Variants in CSMD1 observed in about 807,000 individuals in gnomAD.
The protein encoded by CSMD1 is CUB and sushi domain-containing protein 1.
Under a neutral mutation model 417.5 loss-of-function variants are expected in CSMD1, and 213 were observed. The observed-to-expected ratio is 0.51, with a 90% CI of 0.46 to 0.57. The LOEUF is 0.57. CSMD1 is among the 20% of genes least tolerant of loss of function. The probability of loss-of-function intolerance (pLI) is 0.00; values close to 1 mark genes in which losing one functional copy is unlikely to be tolerated. For missense variants in CSMD1, 6,923 were observed against 4,529.7 expected (o/e 1.53, Z -15.17); for synonymous variants, 2,862 against 1,736.8 (o/e 1.65, Z -16.11).
At chr8:3,845,656 T>C (rs1023799243) in intron 5 of CSMD1, among the ~76,000 whole-genome samples, 7 of 152,282 alleles carry the variant, frequency 4.6e-5, no homozygotes, top group South Asian at 4.1e-4. Flanking sequence ...AAACATTTTT[T>C]TGTCTTCAAT....
At chr8:4,459,344 A>T (rs896047729) in intron 2 of CSMD1, among the ~76,000 whole-genome samples, 2 of 152,194 alleles carry the variant, frequency 1.3e-5, no homozygotes, top group African/African-American at 4.8e-5. Context: ...AAGACAATCA[A>T]GCTCTCACCT....
chr8:3,291,864 G>A (rs1256296481), intron 25 of CSMD1, among the ~76,000 whole-genome samples: 4 of 151,870 alleles, frequency 2.6e-5, no homozygotes, highest in Admixed American at 6.6e-5. Context: ...CTTGCCTTCT[G>A]CTAGCTTTTG....
intron 7 of CSMD1, among the ~76,000 whole-genome samples, chr8:3,650,222 G>A (rs35588903): frequency 0.42 from 63,126 of 151,708 alleles, 13,452 homozygotes; most frequent in Middle Eastern, 0.47. Flanking sequence ...GATTTGCAAT[G>A]ACCTGAGATT....
intron 26 of CSMD1, among the ~76,000 whole-genome samples, chr8:3,269,281 C>A (rs185526390): frequency 2.0e-5 from 3 of 152,240 alleles, no homozygotes; most frequent in Non-Finnish European, 2.9e-5. Context: ...GCGGCCAGTT[C>A]TCTGCCAGTC....
At chr8:3,227,817 G>C (rs980961270) in intron 27 of CSMD1, among the ~76,000 whole-genome samples, 9 of 151,574 alleles carry the variant, frequency 5.9e-5, no homozygotes, top group Non-Finnish European at 1.2e-4. Context: ...GCACAGGCTG[G>C]AGTGCAGTGG....
At chr8:4,814,324 C>A (rs1799080285) in intron 1 of CSMD1, among the ~76,000 whole-genome samples, 1 of 152,200 alleles carries the variant, frequency 6.6e-6, no homozygotes, top group African/African-American at 2.4e-5. Flanking sequence ...CAGTTCACTG[C>A]AACCTCTGCC....
At chr8:3,985,774 G>A (rs946041742) in intron 5 of CSMD1, among the ~76,000 whole-genome samples, 5 of 107,116 alleles carry the variant, frequency 4.7e-5, no homozygotes, top group African/African-American at 1.4e-4. Context: ...TTTTTTTTTT[G>A]AGATGGAGTC....
At chr8:4,878,346 T>G (rs780053639) in intron 1 of CSMD1, among the ~76,000 whole-genome samples, 1 of 152,034 alleles carries the variant, frequency 6.6e-6, no homozygotes, top group Non-Finnish European at 1.5e-5. Context: ...AATGTACACA[T>G]AAGTTGTGTC....
chr8:4,362,741 C>T (rs540482205), intron 3 of CSMD1, among the ~76,000 whole-genome samples: 6 of 152,234 alleles, frequency 3.9e-5, no homozygotes, highest in African/African-American at 7.2e-5. Flanking sequence ...GTTGTGTAAT[C>T]AGTTTTTACT....
At position 4,048,666 on chromosome 8, in the gene CSMD1, G is replaced by C. The variant is rs182265147; in HGVS notation, c.416-16567C>G. On this transcript the variant is annotated intron_variant, in intron 3 of 69. Coordinates refer to ENST00000635120, the MANE Select transcript of CSMD1 (RefSeq NM_033225.6). ...TGTCAATCTGACTTCCAACCACAGA[G>C]GAAAGTGTGATTGGATCAATGTGCT... 1.4e-4 allele frequency among the ~76,000 whole-genome samples: 21 copies of C among 152,280 alleles called. No individual in the cohort carries two copies. The East Asian group carries it at 3.5e-3, about 25-fold the overall frequency.
At chr8:4,488,686 G>A (rs1421713156) in intron 2 of CSMD1, among the ~76,000 whole-genome samples, 2 of 151,734 alleles carry the variant, frequency 1.3e-5, no homozygotes, top group African/African-American at 4.9e-5. Context: ...CATGGCGGTG[G>A]GGGGGGTGAA....
rs3076013 is a variant in CSMD1, at chr8:2,960,939, GATATATAT to G, written c.9702+194_9702+201del. On this transcript the variant is annotated intron_variant, in intron 62 of 69. Transcript: ENST00000635120. ...TATTCCATTATTATCTAGTAAGCAA[GATATATAT>G]ATATATATATATATATATACATATA... Among the ~76,000 whole-genome samples, 11 of 122,038 alleles carry G rather than the reference GATATATAT, an allele frequency of 9.0e-5. 1 individual carries two copies. The South Asian group carries it at 2.3e-3, about 25-fold the overall frequency. 80.1% of individuals were successfully genotyped at this position (122,038 alleles called of 152,430 possible). A position where few individuals can be genotyped will look rare whatever the true frequency, so the allele number is the denominator to read the frequency against.
intron 3 of CSMD1, among the ~76,000 whole-genome samples, chr8:4,405,166 C>A (rs1386184488): frequency 6.6e-6 from 1 of 152,176 alleles, no homozygotes; most frequent in Non-Finnish European, 1.5e-5. Flanking sequence ...TTCCTGGAAT[C>A]CACCATAAAT....
chr8:3,389,308 C>G (rs1337837317), intron 17 of CSMD1, among the ~76,000 whole-genome samples: 1 of 152,074 alleles, frequency 6.6e-6, no homozygotes, highest in Non-Finnish European at 1.5e-5. Flanking sequence ...GTGTTGTTCC[C>G]TCTATGTGTC....
At chr8:3,442,692 C>G (rs1048268900) in intron 12 of CSMD1, among the ~76,000 whole-genome samples, 2 of 152,094 alleles carry the variant, frequency 1.3e-5, no homozygotes, top group Non-Finnish European at 2.9e-5. Context: ...AGAACGTATC[C>G]CTGTTGTTGT....
chr8:4,832,400 T>G (rs141655184), intron 1 of CSMD1, among the ~76,000 whole-genome samples: 2 of 152,180 alleles, frequency 1.3e-5, no homozygotes, highest in African/African-American at 2.4e-5. Flanking sequence ...ACAGTGGACA[T>G]TGACATCTAC....
At position 4,525,433 on chromosome 8, in the gene CSMD1, T is replaced by A. The variant is rs538438432; in HGVS notation, c.303-105368A>T. Among the ~76,000 whole-genome samples, 3 of 152,270 alleles carry A rather than the reference T, an allele frequency of 2.0e-5. No individual in the cohort carries two copies. In the South Asian group the frequency reaches 6.2e-4, roughly 32 times the overall value. On this transcript the variant is annotated intron_variant, in intron 2 of 69. Coordinates refer to ENST00000635120, the MANE Select transcript of CSMD1 (RefSeq NM_033225.6). ...TCCCAACAATGGGAATGCTCTACTT[T>A]AACCATGAGCTGTAACATATTACAA...
chr8:3,398,481 G>A (rs956443656), intron 16 of CSMD1, among the ~76,000 whole-genome samples: 1 of 152,132 alleles, frequency 6.6e-6, no homozygotes, highest in African/African-American at 2.4e-5. Flanking sequence ...AACTCCTGCT[G>A]AAAAACCTTT....
chr8:4,314,001 G>A (rs1190830807), intron 3 of CSMD1, among the ~76,000 whole-genome samples: 3 of 151,084 alleles, frequency 2.0e-5, no homozygotes, highest in Non-Finnish European at 2.9e-5. Context: ...GCAACAAAGT[G>A]AGAATCCGTC....
Sources: gnomAD v4.1 joint callset for allele counts (sites outside exome capture counted in the v4.1 genomes callset) on GRCh38, gnomAD v4.1.1 for gene constraint, MANE v1.5 for transcripts, NCBI Gene and HGNC (gene_info 2026-07-23, HGNC 2026-07-21) for gene names.